Variants in FAT4 observed in about 807,000 individuals in gnomAD.
The protein encoded by FAT4 is FAT atypical cadherin 4, also known as protocadherin Fat 4.
FAT4 carries 84 observed loss-of-function variants against 303.9 expected under a neutral mutation model. The observed-to-expected ratio is 0.28, with a 90% confidence interval of 0.23 to 0.33. The LOEUF (loss-of-function observed/expected upper bound fraction) is 0.33. Ranked by LOEUF, FAT4 falls within the 10% of genes least tolerant of loss-of-function variation. The pLI, the probability that FAT4 is intolerant of heterozygous loss-of-function variation, is 1.00. For missense variants in FAT4, 6,005 were observed against 6,146.8 expected (o/e 0.98, Z 0.77); for synonymous variants, 2,307 against 2,298.8 (o/e 1.00, Z -0.10).
Position 125,450,553 on chromosome 4 carries a change from T to C in FAT4, c.9543T>C (p.Ser3181=). The C allele has an allele frequency of 6.2e-7, 1 of 1,614,130 alleles. No homozygotes were observed. Among genetic ancestry groups the C allele is most frequent in the African/African-American group, 1.3e-5 (1 of 75,038 alleles). The change falls in exon 10 of 18, where the codon AGT becomes AGC. Residue 3181 remains serine (S), a synonymous_variant. Coordinates refer to ENST00000394329, the MANE Select transcript of FAT4 (RefSeq NM_001291303.3). ...GGGTTGCAAGAACTGGTTACTGCAG[T>C]GTGACCGTAAATGTGATTGATGTGA... ...GGWVARTGYC[S]VTVNVIDVND...
At position 125,320,133 on chromosome 4, in the gene FAT4, A is replaced by G. The variant is rs200169047; in HGVS notation, c.3722A>G (p.Asn1241Ser). The G allele has an allele frequency of 3.7e-6, 6 of 1,614,106 alleles. No homozygotes were observed. The highest frequency in any genetic ancestry group is 5.1e-6 in the Non-Finnish European group (6 of 1,179,958). The change falls in exon 2 of 18, where the codon AAT becomes AGT. Residue 1241 changes from asparagine (N) to serine (S), a missense_variant. Asn to Ser is a conservative substitution (Grantham distance 46). Transcript: ENST00000394329. ...TCTGCCTCAGATGTTGATGAAGGTAATAATGGACTTATTCACTATTCTATA... is the reference window on the plus strand; with the variant it reads ...TCTGCCTCAGATGTTGATGAAGGTAGTAATGGACTTATTCACTATTCTATA... ...RVSASDVDEG[N>S]NGLIHYSIIK... is the part of the protein sequence containing the mutation.
intron 2 of FAT4, among the ~76,000 whole-genome samples, chr4:125,337,737 G>A (rs1379042654): frequency 1.3e-5 from 2 of 152,028 alleles, no homozygotes; most frequent in East Asian, 1.9e-4. Context: ...ACAAGAGTAG[G>A]TGAACATAAA....
intron 5 of FAT4, among the ~76,000 whole-genome samples, chr4:125,412,886 C>T (rs1186866747): frequency 6.6e-6 from 1 of 151,632 alleles, no homozygotes; most frequent in Non-Finnish European, 1.5e-5. Flanking sequence ...CTGCATTTCT[C>T]AATAATAGTC....
chr4:125,460,654 A>G (rs186130029), intron 10 of FAT4, among the ~76,000 whole-genome samples: 1 of 152,252 alleles, frequency 6.6e-6, no homozygotes, highest in East Asian at 1.9e-4. Flanking sequence ...CATGATGTGT[A>G]TGTACCACAT....
chr4:125,451,959 A>G lies in FAT4; in HGVS notation c.10949A>G (p.His3650Arg). 1 of 1,614,108 alleles carries G rather than the reference A, an allele frequency of 6.2e-7. No homozygotes were observed. The highest frequency in any genetic ancestry group is 8.5e-7 in the Non-Finnish European group (1 of 1,180,016). ...GATCCAGATGTGTTAGACAGCTTCC[A>G]CTGCTCCCTTACTTCAGGAGTTACC... ...PQDPDVLDSF[H>R]CSLTSGVTSL... is the part of the protein sequence containing the mutation. Residue 3650 changes from histidine to arginine, a missense_variant, in exon 10 of 18, where the codon CAC becomes CGC. By Grantham distance (29) the His-to-Arg change is conservative. Coordinates refer to ENST00000394329, the MANE Select transcript of FAT4 (RefSeq NM_001291303.3).
intron 17 of FAT4, 54 bp from the exon 18 acceptor site, chr4:125,489,847 C>CTTTTTT (rs60144993): frequency 0.18 from 76,918 of 430,456 alleles, 17,892 homozygotes; most frequent in African/African-American, 0.32. Context: ...AGTATAAGCT[C>CTTTTTT]TTTTTTTTTT....
chr4:125,318,375 A>G lies in FAT4; in HGVS notation c.1964A>G (p.Tyr655Cys), dbSNP rs1560753848. Reference sequence around the variant, plus strand: ...TTGGACAGAGAAGAGCAAGCCTTCTACTCCCTGTTGGTTCTGGCCACAGAT... The same window carrying G: ...TTGGACAGAGAAGAGCAAGCCTTCTGCTCCCTGTTGGTTCTGGCCACAGAT... ...SSLDREEQAF[Y>C]SLLVLATDLG... is the part of the protein sequence containing the mutation. The change falls in exon 2 of 18, where the codon TAC becomes TGC. Residue 655 changes from tyrosine (Y) to cysteine (C), a missense_variant. Physicochemically the swap from Tyr to Cys is radical, Grantham distance 194 (BLOSUM62 -2). Coordinates refer to ENST00000394329, the MANE Select transcript of FAT4 (RefSeq NM_001291303.3). The G allele has an allele frequency of 1.2e-6, 2 of 1,613,944 alleles. No homozygotes were observed. The highest frequency in any genetic ancestry group is 1.7e-6 in the Non-Finnish European group (2 of 1,179,986).
At chr4:125,481,073 A>G (rs1727207894) in intron 15 of FAT4, among the ~76,000 whole-genome samples, 1 of 152,148 alleles carries the variant, frequency 6.6e-6, no homozygotes, top group African/African-American at 2.4e-5. Context: ...ACCGATGTAA[A>G]TACTTGATTG....
intron 3 of FAT4, among the ~76,000 whole-genome samples, chr4:125,399,666 T>A (rs1436213528): frequency 1.3e-5 from 2 of 151,806 alleles, no homozygotes; most frequent in Non-Finnish European, 2.9e-5. Flanking sequence ...ACCTTAAAAA[T>A]TTAAATAAAT....
At chr4:125,386,352 A>G (rs1218314298) in intron 2 of FAT4, among the ~76,000 whole-genome samples, 4 of 152,164 alleles carry the variant, frequency 2.6e-5, no homozygotes, top group Non-Finnish European at 5.9e-5. Context: ...ATCTCGGCTT[A>G]CTGCAACCTC....
At position 125,451,987 on chromosome 4, in the gene FAT4, C is replaced by A; in HGVS notation, c.10977C>A (p.Ser3659Arg). The change falls in exon 10 of 18, where the codon AGC becomes AGA. Residue 3659 changes from serine (S) to arginine (R), a missense_variant. Transcript: ENST00000394329. ...FHCSLTSGVT[S>R]LFSIPGGTCD... is the part of the protein sequence containing the mutation. ...GCTCCCTTACTTCAGGAGTTACCAG[C>A]CTCTTCAGTATTCCAGGGGGTACTT... is the stretch of plus-strand genomic sequence containing the variant. The A allele has an allele frequency of 6.2e-7, 1 of 1,614,120 alleles. No individual in the cohort carries two copies. The highest frequency in any genetic ancestry group is 8.5e-7 in the Non-Finnish European group (1 of 1,180,018).
At chr4:125,437,300 G>A (rs1437943604) in intron 8 of FAT4, among the ~76,000 whole-genome samples, 1 of 152,170 alleles carries the variant, frequency 6.6e-6, no homozygotes, top group Non-Finnish European at 1.5e-5. Context: ...GGTTTAGGAG[G>A]AAAGGTCTCC....
At chr4:125,334,857 A>G (rs957777338) in intron 2 of FAT4, among the ~76,000 whole-genome samples, 1 of 152,128 alleles carries the variant, frequency 6.6e-6, no homozygotes, top group Non-Finnish European at 1.5e-5. Flanking sequence ...TCCACTAAAA[A>G]CATTAAAATA....
intron 2 of FAT4, among the ~76,000 whole-genome samples, chr4:125,339,254 C>T (rs980020187): frequency 4.6e-5 from 7 of 151,442 alleles, no homozygotes; most frequent in African/African-American, 1.7e-4. Flanking sequence ...ACCTCTGCCT[C>T]CCGGGTTCAA....
intron 3 of FAT4, among the ~76,000 whole-genome samples, chr4:125,403,595 CTCATTCCCAAAT>C (rs1269242838): frequency 1.3e-3 from 200 of 152,052 alleles, no homozygotes; most frequent in African/African-American, 4.5e-3. Flanking sequence ...TATTTTAAAC[CTCATTCCCAAAT>C]CTCTAATTGC....
chr4:125,346,597 T>G (rs925661426), intron 2 of FAT4, among the ~76,000 whole-genome samples: 1 of 152,018 alleles, frequency 6.6e-6, no homozygotes, highest in Non-Finnish European at 1.5e-5. Flanking sequence ...GAACCCACTT[T>G]GGAGGAATTA....
chr4:125,340,850 A>G (rs1731765447), intron 2 of FAT4, among the ~76,000 whole-genome samples: 1 of 152,138 alleles, frequency 6.6e-6, no homozygotes, highest in Non-Finnish European at 1.5e-5. Flanking sequence ...TATCTTTTCT[A>G]ATGTGGTTGC....
intron 7 of FAT4, among the ~76,000 whole-genome samples, chr4:125,431,281 C>T (rs925522706): frequency 3.3e-5 from 5 of 152,154 alleles, no homozygotes; most frequent in African/African-American, 1.2e-4. Context: ...TGAAATCTCA[C>T]TGTAAGTCTT....
intron 2 of FAT4, among the ~76,000 whole-genome samples, chr4:125,347,111 G>A (rs1732033254): frequency 6.6e-6 from 1 of 151,756 alleles, no homozygotes; most frequent in African/African-American, 2.4e-5. Flanking sequence ...TAGGCTCAGT[G>A]CTAGGCAAGG....
Sources: allele counts gnomAD v4.1 joint callset (sites outside exome capture counted in the v4.1 genomes callset), GRCh38; gene constraint gnomAD v4.1.1; transcripts MANE v1.5; gene names NCBI Gene and HGNC (gene_info 2026-07-23, HGNC 2026-07-21).